Variants in PRELID2 observed in about 807,000 individuals in gnomAD.
PRELID2 encodes the protein PRELI domain containing 2, also known as PRELI domain-containing protein 2.
In PRELID2, 25 loss-of-function variants were observed where a neutral mutation model predicts 28.4. That is an observed-to-expected ratio of 0.88 (90% CI 0.64 to 1.23). The LOEUF (loss-of-function observed/expected upper bound fraction) is 1.23, where lower values mean the gene tolerates loss of function less well. PRELID2 is among the 50% of genes most tolerant of loss of function. The pLI is 0.00. For missense variants in PRELID2, 201 were observed against 214.4 expected (o/e 0.94, Z 0.39); for synonymous variants, 76 against 71.6 (o/e 1.06, Z -0.31).
At chr5:145,668,432 T>C (rs1281895025) in intron 1 of PRELID2, among the ~76,000 whole-genome samples, 1 of 151,550 alleles carries the variant, frequency 6.6e-6, no homozygotes, top group Non-Finnish European at 1.5e-5. Context: ...ATACCCAATA[T>C]AAATCTAGAT....
At position 145,748,168 on chromosome 5, in the gene PRELID2, C is replaced by A. The variant is rs1326359508; in HGVS notation, n.70+16763G>T. ...GGAAGTTCTGGCCAGGGCAATCAGGCAAGAGAAAGAAATAAAGCGTATTCA... is the reference window on the plus strand; with the variant it reads ...GGAAGTTCTGGCCAGGGCAATCAGGAAAGAGAAAGAAATAAAGCGTATTCA... On this transcript the variant is annotated intron_variant and non_coding_transcript_variant, in intron 1 of 2. Transcript: ENST00000510259. Among the ~76,000 whole-genome samples, 8 of 152,092 alleles carry A rather than the reference C, an allele frequency of 5.3e-5. 1 individual carries two copies. Among genetic ancestry groups the A allele is most frequent in the Admixed American group, 3.9e-4 (6 of 15,268 alleles).
chr5:145,273,774 C>T, the PRELID2 span, among the ~76,000 whole-genome samples: 1 of 152,046 alleles, frequency 6.6e-6, no homozygotes, highest in Non-Finnish European at 1.5e-5. Context: ...AAATATGGGA[C>T]CTATTGTATC....
the PRELID2 span, among the ~76,000 whole-genome samples, chr5:145,365,636 C>A: frequency 6.6e-6 from 1 of 151,736 alleles, no homozygotes; most frequent in South Asian, 2.1e-4. Context: ...CCAATTGGAC[C>A]GGATAGAAAC....
chr5:145,810,941 T>G (rs901933671), intron 4 of PRELID2, among the ~76,000 whole-genome samples: 1 of 151,966 alleles, frequency 6.6e-6, no homozygotes, highest in Non-Finnish European at 1.5e-5. Flanking sequence ...TATTAGTCCA[T>G]TTTCATGCTG....
the PRELID2 span, among the ~76,000 whole-genome samples, chr5:145,464,121 A>G: frequency 2.6e-5 from 4 of 152,222 alleles, no homozygotes; most frequent in Non-Finnish European, 4.4e-5. Context: ...TATATCAGAT[A>G]GGAAACCATG....
At chr5:145,726,104 G>A (rs929521822) in intron 1 of PRELID2, among the ~76,000 whole-genome samples, 1 of 151,860 alleles carries the variant, frequency 6.6e-6, no homozygotes, top group Non-Finnish European at 1.5e-5. Context: ...ACGAGATGGA[G>A]GTTGCAGTGA....
At chr5:145,410,145 T>G in the PRELID2 span, among the ~76,000 whole-genome samples, 2 of 152,212 alleles carry the variant, frequency 1.3e-5, no homozygotes, top group African/African-American at 4.8e-5. Context: ...TCTCTCACCT[T>G]ATACATAAAT....
chr5:145,819,378 C>G (rs1280289729), intron 3 of PRELID2: 3 of 1,599,244 alleles, frequency 1.9e-6, no homozygotes, highest in Non-Finnish European at 2.6e-6. Flanking sequence ...TTTCCACTCA[C>G]CTTTTTCCAA....
chr5:145,622,207 AT>A (rs1477020733), intron 1 of PRELID2, among the ~76,000 whole-genome samples: 1 of 151,968 alleles, frequency 6.6e-6, no homozygotes, highest in African/African-American at 2.4e-5. Context: ...TAAGAACAAA[AT>A]TTTTTTTCAG....
chr5:145,760,774 A>G lies in PRELID2; in HGVS notation c.*11-249T>C, dbSNP rs148818852. Among the ~76,000 whole-genome samples the G allele has an allele frequency of 4.6e-5, 7 of 152,342 alleles. 1 individual carries two copies. The highest frequency in any genetic ancestry group is 1.7e-4 in the African/African-American group (7 of 41,586). On this transcript the variant is annotated intron_variant, in intron 6 of 6. Transcript: ENST00000683046. ...AGATATAGCTAAAATTGAGGTCTTA[A>G]TCATTCCAGTGTGATAGAACTCTGC...
intron 1 of PRELID2, among the ~76,000 whole-genome samples, chr5:145,547,768 T>C (rs1752800359): frequency 6.6e-6 from 1 of 152,222 alleles, no homozygotes; most frequent in Non-Finnish European, 1.5e-5. Flanking sequence ...CAATGTTGGT[T>C]TGGCTTTATC....
At chr5:145,711,463 T>A (rs1349174830) in intron 1 of PRELID2, among the ~76,000 whole-genome samples, 1 of 152,098 alleles carries the variant, frequency 6.6e-6, no homozygotes, top group Non-Finnish European at 1.5e-5. Context: ...CTGAACCATT[T>A]TGAGTTGTGA....
At chr5:145,313,054 A>G in the PRELID2 span, among the ~76,000 whole-genome samples, 1 of 152,172 alleles carries the variant, frequency 6.6e-6, no homozygotes, top group Non-Finnish European at 1.5e-5. Context: ...ACCCCCCAAA[A>G]AACCAAATAG....
At chr5:145,359,880 G>A in the PRELID2 span, among the ~76,000 whole-genome samples, 2 of 152,136 alleles carry the variant, frequency 1.3e-5, no homozygotes, top group African/African-American at 2.4e-5. Flanking sequence ...TAGTTCAAAA[G>A]ATCCTCATGG....
chr5:145,436,829 C>T, the PRELID2 span, among the ~76,000 whole-genome samples: 1 of 152,142 alleles, frequency 6.6e-6, no homozygotes, highest in Non-Finnish European at 1.5e-5. Flanking sequence ...CCTAACTCTT[C>T]TCTACTAACT....
intron 1 of PRELID2, among the ~76,000 whole-genome samples, chr5:145,620,212 ATAAAT>A (rs955028282): frequency 1.3e-5 from 2 of 152,198 alleles, no homozygotes; most frequent in African/African-American, 2.4e-5. Context: ...GCTGAACAAC[ATAAAT>A]TAAAGAAAAA....
downstream of PRELID2, among the ~76,000 whole-genome samples, chr5:145,469,005 T>C (rs181224207): frequency 1.3e-5 from 2 of 152,226 alleles, no homozygotes; most frequent in African/African-American, 4.8e-5. Flanking sequence ...TTTAAGTTAA[T>C]TTATTTTTAG....
At chr5:145,277,258 T>C in the PRELID2 span, among the ~76,000 whole-genome samples, 2 of 152,250 alleles carry the variant, frequency 1.3e-5, no homozygotes, top group African/African-American at 4.8e-5. Flanking sequence ...GCAAATACAA[T>C]GTGAAAGCAA....
chr5:145,407,713 C>A, the PRELID2 span, among the ~76,000 whole-genome samples: 1 of 152,170 alleles, frequency 6.6e-6, no homozygotes, highest in Admixed American at 6.5e-5. Flanking sequence ...GCCATTACAG[C>A]AACTCATAAC....
Sources: allele counts gnomAD v4.1 joint callset (sites outside exome capture counted in the v4.1 genomes callset), GRCh38; gene constraint gnomAD v4.1.1; transcripts MANE v1.5; gene names NCBI Gene and HGNC (gene_info 2026-07-23, HGNC 2026-07-21).